Variants in SPAG17 observed in about 807,000 individuals in gnomAD.
SPAG17 encodes the protein sperm associated antigen 17.
In SPAG17, 169 loss-of-function variants were observed where a neutral mutation model predicts 273.6. That is an observed-to-expected ratio of 0.62 (90% confidence interval 0.55 to 0.70). The LOEUF (loss-of-function observed/expected upper bound fraction) is 0.70. Among genes scored for constraint, SPAG17 ranks in the 30% least tolerant of loss-of-function variants. The pLI is 0.00. For missense variants in SPAG17, 2,557 were observed against 2,627.8 expected, an observed-to-expected ratio of 0.97 and a Z score of 0.59; for synonymous variants, 825 against 873.2, an observed-to-expected ratio of 0.94 and a Z score of 0.97.
At chr1:118,136,358 T>C (rs1454678839) in intron 3 of SPAG17, among the ~76,000 whole-genome samples, 1 of 152,226 alleles carries the variant, frequency 6.6e-6, no homozygotes, top group African/African-American at 2.4e-5. Context: ...TAGACTTTGC[T>C]AACCGCTTCC....
intron 39 of SPAG17, 46 bp from the exon 40 acceptor site, chr1:117,987,927 C>A: frequency 6.2e-7 from 1 of 1,607,162 alleles, no homozygotes; most frequent in Non-Finnish European, 8.5e-7. Context: ...GCAATGATTT[C>A]AGCTTAAAAA....
intron 3 of SPAG17, 60 bp from the exon 4 acceptor site, chr1:118,115,501 C>T (rs1657020509): frequency 8.1e-6 from 12 of 1,482,982 alleles, no homozygotes; most frequent in Non-Finnish European, 1.1e-5. Context: ...CACAGTCTGT[C>T]AGTGATGAAA....
chr1:118,181,062 T>C (rs1582238), intron 1 of SPAG17, among the ~76,000 whole-genome samples: 91,797 of 149,020 alleles, frequency 0.62, 28,523 homozygotes, highest in Middle Eastern at 0.68. Flanking sequence ...TTAGTATCAA[T>C]TTAAGACAGA....
intron 3 of SPAG17, among the ~76,000 whole-genome samples, chr1:118,120,473 T>C (rs1486146925): frequency 2.0e-5 from 3 of 152,198 alleles, no homozygotes; most frequent in Non-Finnish European, 2.9e-5. Context: ...TCTTATTTTA[T>C]GCCCAAACTG....
intron 48 of SPAG17, chr1:117,957,053 T>C (rs769760311): frequency 2.6e-6 from 4 of 1,548,132 alleles, no homozygotes; most frequent in East Asian, 2.4e-5. Flanking sequence ...TTTATATTTA[T>C]TTTTTCTTTT....
chr1:118,031,754 C>T lies in SPAG17; in HGVS notation c.3547G>A (p.Gly1183Ser). ...AGGGATTCTTTGGGTTTTTCTTTGC[C>T]TTTTATTTTCCCTTTAGCTTTGCTT... ...PQSKAKGKIK[G>S]KEKPKESLKE... The change falls in exon 25 of 49, where the codon GGC becomes AGC. Residue 1183 changes from glycine (G) to serine (S), a missense_variant. Gly to Ser is a moderately conservative substitution (Grantham distance 56). Transcript: ENST00000336338. 2 of 1,613,508 alleles carry T rather than the reference C, an allele frequency of 1.2e-6. No individual in the cohort carries two copies. The highest frequency in any genetic ancestry group is 1.3e-5 in the African/African-American group (1 of 74,948).
At chr1:118,035,221 T>C (rs767511060) in intron 24 of SPAG17, among the ~76,000 whole-genome samples, 1 of 152,312 alleles carries the variant, frequency 6.6e-6, no homozygotes, top group African/African-American at 2.4e-5. Flanking sequence ...TTATCTACAC[T>C]ATAAACATTT....
chr1:118,036,955 G>C, intron 23 of SPAG17, 72 bp from the exon 24 acceptor site: 1 of 1,084,180 alleles, frequency 9.2e-7, no homozygotes. Context: ...TCAGTGGGAA[G>C]GCTGGGAATG....
chr1:118,042,692 A>G (rs1209737255), intron 20 of SPAG17, among the ~76,000 whole-genome samples: 1 of 152,154 alleles, frequency 6.6e-6, no homozygotes, highest in Admixed American at 6.5e-5. Flanking sequence ...CCTAGGGTGT[A>G]GGCCAAGTGA....
intron 39 of SPAG17, 59 bp downstream of exon 39, chr1:117,988,046 C>T: frequency 6.7e-7 from 1 of 1,483,570 alleles, no homozygotes; most frequent in Non-Finnish European, 9.1e-7. Context: ...CTGCATATTC[C>T]ATTTCCTCAA....
chr1:118,084,544 T>C (rs1226308246), intron 13 of SPAG17, among the ~76,000 whole-genome samples: 1 of 152,190 alleles, frequency 6.6e-6, no homozygotes, highest in African/African-American at 2.4e-5. Context: ...TTCTAGATAT[T>C]GTATCTTAAT....
chr1:118,070,011 C>T (rs2102080133), intron 17 of SPAG17, among the ~76,000 whole-genome samples: 1 of 152,262 alleles, frequency 6.6e-6, no homozygotes, highest in South Asian at 2.1e-4. Flanking sequence ...CTGAGAAAAA[C>T]TGAAATAGTA....
At chr1:118,073,084 G>T (rs1440726166) in intron 17 of SPAG17, among the ~76,000 whole-genome samples, 2 of 151,962 alleles carry the variant, frequency 1.3e-5, no homozygotes, top group African/African-American at 2.4e-5. Flanking sequence ...CTTAAAAAAC[G>T]TTGTAAAACT....
chr1:118,109,120 A>T (rs1021304869), intron 4 of SPAG17, among the ~76,000 whole-genome samples: 58 of 151,982 alleles, frequency 3.8e-4, no homozygotes, highest in Non-Finnish European at 2.5e-4. Flanking sequence ...AGTGAAACTG[A>T]TGATATATAT....
intron 3 of SPAG17, among the ~76,000 whole-genome samples, chr1:118,128,320 T>C (rs562054832): frequency 1.3e-5 from 2 of 152,204 alleles, no homozygotes; most frequent in Non-Finnish European, 2.9e-5. Context: ...GGTTTTTCTA[T>C]GTATAAAATC....
At chr1:117,957,464 C>G (rs1652380324) in intron 48 of SPAG17, among the ~76,000 whole-genome samples, 1 of 152,176 alleles carries the variant, frequency 6.6e-6, no homozygotes, top group Non-Finnish European at 1.5e-5. Flanking sequence ...ATACATTGCT[C>G]AGGAATGCTT....
intron 7 of SPAG17, among the ~76,000 whole-genome samples, chr1:118,094,678 G>C (rs1462032715): frequency 1.3e-5 from 2 of 152,152 alleles, no homozygotes; most frequent in Non-Finnish European, 2.9e-5. Context: ...AAATGATCTT[G>C]TTTAAAATGA....
At chr1:117,959,285 A>C (rs1051366087) in intron 48 of SPAG17, 19 of 1,606,508 alleles carry the variant, frequency 1.2e-5, no homozygotes, top group Non-Finnish European at 1.5e-5. Flanking sequence ...CTTGTATTGC[A>C]CTCCAGGATG....
In SPAG17 at chr1:118,169,311, C is replaced by T. The variant is rs185199109; in HGVS notation, c.87+15760G>A. On this transcript the variant is annotated intron_variant, in intron 1 of 48. Coordinates refer to ENST00000336338, the MANE Select transcript of SPAG17 (RefSeq NM_206996.4). ...TCCCTCTTAACATTCTTCCTAGCAA[C>T]TCAGTTGTTTTCATTGGCTTTCATT... Among the ~76,000 whole-genome samples, 6 of 152,298 alleles carry T rather than the reference C, an allele frequency of 3.9e-5. No individual in the cohort carries two copies. The East Asian group carries it at 7.7e-4, about 20-fold the overall frequency.
Sources: gnomAD v4.1 joint callset for allele counts (sites outside exome capture counted in the v4.1 genomes callset) on GRCh38, gnomAD v4.1.1 for gene constraint, MANE v1.5 for transcripts, NCBI Gene and HGNC (gene_info 2026-07-23, HGNC 2026-07-21) for gene names.